Variants in ATXN2 observed in about 807,000 individuals in gnomAD.
The protein encoded by ATXN2 is ataxin 2.
ATXN2 carries 37 observed loss-of-function variants against 138.6 expected under a neutral mutation model. That is an observed-to-expected ratio of 0.27 (90% CI 0.21 to 0.35). ATXN2 has a LOEUF of 0.35. Among genes scored for constraint, ATXN2 ranks in the 10% least tolerant of loss-of-function variants. The probability of loss-of-function intolerance (pLI) is 1.00; values close to 1 mark genes in which losing one functional copy is unlikely to be tolerated. For missense variants in ATXN2, 1,216 were observed against 1,480.3 expected (o/e 0.82, Z 2.93); for synonymous variants, 549 against 543.7 (o/e 1.01, Z -0.13).
At chr12:111,560,670 A>AT (rs1277586639) in intron 1 of ATXN2, among the ~76,000 whole-genome samples, 1 of 152,120 alleles carries the variant, frequency 6.6e-6, no homozygotes, top group Non-Finnish European at 1.5e-5. Context: ...AAATAAGCAA[A>AT]TAACAGTAAC....
At chr12:111,562,708 G>A (rs886079166) in intron 1 of ATXN2, among the ~76,000 whole-genome samples, 9 of 91,070 alleles carry the variant, frequency 9.9e-5, no homozygotes, top group Admixed American at 8.8e-4. Context: ...CAATAAGAGC[G>A]AAACTCCATC....
At chr12:111,497,053 C>G (rs911322562) in intron 14 of ATXN2, among the ~76,000 whole-genome samples, 1 of 151,978 alleles carries the variant, frequency 6.6e-6, no homozygotes, top group South Asian at 2.1e-4. Flanking sequence ...CACCGAAATT[C>G]AAAGGATCAT....
intron 1 of ATXN2, among the ~76,000 whole-genome samples, chr12:111,574,367 T>C (rs1193436930): frequency 6.7e-6 from 1 of 150,194 alleles, no homozygotes; most frequent in Non-Finnish European, 1.5e-5. Flanking sequence ...TTATAGACTA[T>C]GAACAACTAA....
At chr12:111,504,984 G>A (rs1014377687) in intron 14 of ATXN2, among the ~76,000 whole-genome samples, 7 of 152,290 alleles carry the variant, frequency 4.6e-5, no homozygotes, top group East Asian at 1.9e-4. Context: ...TTCACTTTGG[G>A]AGGCTGAGGT....
chr12:111,599,473 G>C (rs1885157914), upstream of ATXN2: 17 of 1,213,934 alleles, frequency 1.4e-5, no homozygotes, highest in Non-Finnish European at 1.7e-5. Context: ...GAGACTCGGT[G>C]GCCACCGCGG....
rs149405676 is a variant in ATXN2, at chr12:111,488,573, T to C, written c.2143A>G (p.Lys715Glu). 22 of 1,614,108 alleles carry C rather than the reference T, an allele frequency of 1.4e-5. No individual in the cohort carries two copies. Among genetic ancestry groups the C allele is most frequent in the Non-Finnish European group, 1.7e-5 (20 of 1,180,036 alleles). ...SPSILSNTEH[K>E]RGPEVTSQGV... ...TGGGAAGTGACCTCAGGTCCCCTCT[T>C]GTGCTCCGTGTTACTAAGTATTGAA... is the stretch of plus-strand genomic sequence containing the variant. The change falls in exon 15 of 25, where the codon AAG (lysine) becomes GAG (glutamate). Residue 715 changes from lysine (K) to glutamate (E), a missense_variant. By Grantham distance (56) the Lys-to-Glu change is moderately conservative (BLOSUM62 1). Around this residue, in one of 4 missense-constraint regions of ATXN2, gnomAD observed 490 missense variants for 653.5 expected, o/e 0.75. Coordinates refer to ENST00000673436, the MANE Select transcript of ATXN2 (RefSeq NM_001372574.1).
chr12:111,467,706 C>A (rs1355629743), intron 20 of ATXN2, among the ~76,000 whole-genome samples: 8 of 152,122 alleles, frequency 5.3e-5, no homozygotes, highest in Admixed American at 5.2e-4. Context: ...GTTTTGTTTG[C>A]AACATTTCCT....
At chr12:111,502,722 T>C (rs763604078) in intron 14 of ATXN2, among the ~76,000 whole-genome samples, 30 of 152,196 alleles carry the variant, frequency 2.0e-4, no homozygotes, top group African/African-American at 7.0e-4. Flanking sequence ...TGAGCCATCA[T>C]GCCCAGCAGA....
intron 5 of ATXN2, among the ~76,000 whole-genome samples, chr12:111,526,577 G>T (rs1409647817): frequency 2.0e-5 from 3 of 151,726 alleles, no homozygotes; most frequent in Non-Finnish European, 4.4e-5. Flanking sequence ...GCTAATGTTT[G>T]TATTTTTAGC....
At chr12:111,500,161 A>G (rs910904376) in intron 14 of ATXN2, among the ~76,000 whole-genome samples, 3 of 152,236 alleles carry the variant, frequency 2.0e-5, no homozygotes, top group African/African-American at 7.2e-5. Context: ...CTGCACTCCC[A>G]TGTTTACTAC....
chr12:111,505,888 C>G (rs779497387), intron 14 of ATXN2, among the ~76,000 whole-genome samples: 6 of 152,190 alleles, frequency 3.9e-5, no homozygotes, highest in Admixed American at 2.6e-4. Flanking sequence ...AAACTGCACA[C>G]TCATGTTTGT....
At chr12:111,570,164 C>G (rs1047816625) in intron 1 of ATXN2, among the ~76,000 whole-genome samples, 20 of 152,190 alleles carry the variant, frequency 1.3e-4, no homozygotes, top group African/African-American at 4.3e-4. Flanking sequence ...GCATTCATAT[C>G]ACCTCTGACT....
chr12:111,510,627 G>A (rs1378515323), intron 11 of ATXN2, 45 bp from the exon 12 acceptor site: 1 of 1,517,374 alleles, frequency 6.6e-7, no homozygotes, highest in South Asian at 1.2e-5. Flanking sequence ...CAGTTCAAAT[G>A]TTACTTCCTA....
intron 1 of ATXN2, among the ~76,000 whole-genome samples, chr12:111,586,457 C>G (rs1592932162): frequency 1.4e-5 from 2 of 147,642 alleles, no homozygotes; most frequent in African/African-American, 5.0e-5. Context: ...CCGATCTCGG[C>G]TCACTGCAAC....
intron 14 of ATXN2, among the ~76,000 whole-genome samples, chr12:111,508,156 TAAAA>T (rs780339849): frequency 7.4e-6 from 1 of 134,682 alleles, no homozygotes. Flanking sequence ...AATGATCAAT[TAAAA>T]AAAAAAAAAA....
intron 21 of ATXN2, among the ~76,000 whole-genome samples, chr12:111,461,710 A>T (rs1291868382): frequency 1.3e-5 from 2 of 151,940 alleles, no homozygotes; most frequent in Non-Finnish European, 2.9e-5. Context: ...TCACGAGGTC[A>T]GGAGTTCAAG....
In ATXN2 at chr12:111,453,948, C is replaced by T. The variant is rs1041531120; in HGVS notation, c.3271-103G>A. 18 of 1,218,824 alleles carry T rather than the reference C, an allele frequency of 1.5e-5. No homozygotes were observed. Among genetic ancestry groups the T allele is most frequent in the South Asian group, 6.0e-5 (4 of 66,530 alleles). 75.5% of individuals were successfully genotyped at this position (1,218,824 alleles called of 1,614,324 possible). A position where few individuals can be genotyped will look rare whatever the true frequency, so the allele number is the denominator to read the frequency against. ...GGCTGGGACTCTCAGGAAAGGGCAA[C>T]GGTGGGCCTCAGGGCCCAGTTCTGT... On this transcript the variant is annotated intron_variant, in intron 23 of 24. Transcript: ENST00000673436. The surrounding 1 kb of genome is among the most constrained non-coding windows in gnomAD (Gnocchi z 5.4).
chr12:111,464,689 CCTT>C lies in ATXN2; in HGVS notation c.2866_2868del (p.Lys956del), dbSNP rs754501927. 4 of 1,610,852 alleles carry C rather than the reference CCTT, an allele frequency of 2.5e-6. No homozygotes were observed. The African/African-American group carries it at 4.0e-5, about 16-fold the overall frequency. The stretch of plus-strand genomic sequence containing the variant: ...GCAAAGTAGAAAGAAGGGCTTGTCT[CCTT>C]GTTGTATGGTAATTTGGGACATGCT... On this transcript the variant is annotated inframe_deletion, in exon 21 of 25. Transcript: ENST00000673436.
At chr12:111,593,154 C>T (rs1884763958) in intron 1 of ATXN2, among the ~76,000 whole-genome samples, 1 of 152,002 alleles carries the variant, frequency 6.6e-6, no homozygotes, top group Non-Finnish European at 1.5e-5. Flanking sequence ...ATGATCTCAG[C>T]TCACTGCAAC....
Sources: allele counts gnomAD v4.1 joint callset (sites outside exome capture counted in the v4.1 genomes callset), GRCh38; gene constraint gnomAD v4.1.1; regional missense constraint gnomAD v4.1.1; non-coding constraint Gnocchi (gnomAD v3.1); transcripts MANE v1.5; gene names NCBI Gene and HGNC (gene_info 2026-07-23, HGNC 2026-07-21).